KCNE1: variants seen among roughly 807,000 people sequenced by gnomAD.
KCNE1 encodes potassium voltage-gated channel subfamily E regulatory subunit 1, also known as potassium voltage-gated channel subfamily E member 1.
Under a neutral mutation model 2.9 loss-of-function variants are expected in KCNE1, and 1 was observed. The ratio of observed to expected loss-of-function variants is 0.34; its 90% confidence interval spans 0.12 to 1.62. The LOEUF (loss-of-function observed/expected upper bound fraction) is 1.62, where lower values mean the gene tolerates loss of function less well. Among genes scored for constraint, KCNE1 ranks in the 40% most tolerant of loss-of-function variants. The pLI, the probability that KCNE1 is intolerant of heterozygous loss-of-function variation, is 0.36. For missense variants in KCNE1, 45 were observed against 150.5 expected, an observed-to-expected ratio of 0.30 and a Z score of 3.67; for synonymous variants, 23 against 65.4, an observed-to-expected ratio of 0.35 and a Z score of 3.13.
At chr21:34,451,589 G>GGT (rs1280864086) in intron 3 of KCNE1, among the ~76,000 whole-genome samples, 1 of 66,302 alleles carries the variant, frequency 1.5e-5, no homozygotes, top group Non-Finnish European at 2.8e-5. Flanking sequence ...TAGACCCAGA[G>GGT]CTATTTCTTC....
intron 3 of KCNE1, among the ~76,000 whole-genome samples, chr21:34,454,294 CACTG>C (rs1455096833): frequency 3.8e-5 from 1 of 26,210 alleles, no homozygotes; most frequent in Non-Finnish European, 7.5e-5. Context: ...AATATGATCT[CACTG>C]ACTGTTTTTC....
At chr21:34,503,064 A>G (rs984617123) in intron 2 of KCNE1, among the ~76,000 whole-genome samples, 3 of 152,182 alleles carry the variant, frequency 2.0e-5, no homozygotes, top group African/African-American at 7.2e-5. Context: ...CTAACTACCC[A>G]AAGATGTCAT....
In KCNE1 at chr21:34,511,266, C is replaced by T; in HGVS notation, c.-327G>A. 5 of 985,518 alleles carry T rather than the reference C, an allele frequency of 5.1e-6. No individual in the cohort carries two copies. Among genetic ancestry groups the T allele is most frequent in the East Asian group, 1.1e-4 (1 of 8,820 alleles). The allele number at this position is 985,518 out of a possible 1,614,324, so 61.0% of individuals were successfully genotyped here. A position where few individuals can be genotyped will look rare whatever the true frequency, so the allele number is the denominator to read the frequency against. The stretch of plus-strand genomic sequence containing the variant: ...CTCCTGGTTGAGCTCCAGGCCATGC[C>T]ATTCAACGCCCTCCAGGACAGGCCG... On this transcript the variant is annotated 5_prime_UTR_variant, in exon 2 of 4. It removes an upstream start codon present in the reference 5' UTR. Transcript: ENST00000399286.
chr21:34,507,131 C>A (rs555433399), intron 2 of KCNE1, among the ~76,000 whole-genome samples: 1 of 152,022 alleles, frequency 6.6e-6, no homozygotes, highest in Non-Finnish European at 1.5e-5. Flanking sequence ...TTCAAAAGCT[C>A]GCTCTGACAG....
rs559244843 is a variant in KCNE1 at position 34,503,153 on chromosome 21, C to A, written c.-162+7948G>T. 5.3e-5 allele frequency among the ~76,000 whole-genome samples: 8 copies of A among 152,306 alleles called. No homozygotes were observed. The South Asian group carries it at 1.5e-3, about 28-fold the overall frequency. On this transcript the variant is annotated intron_variant, in intron 2 of 3. Coordinates refer to ENST00000399286, the MANE Select transcript of KCNE1 (RefSeq NM_000219.6). ...ACCAATTGCAAGCCCTAGGATGTGA[C>A]CTGTGCCTTTGACCAACCAGCTACA...
intron 2 of KCNE1, among the ~76,000 whole-genome samples, chr21:34,503,087 G>C (rs997839053): frequency 6.6e-6 from 1 of 152,094 alleles, no homozygotes; most frequent in Non-Finnish European, 1.5e-5. Context: ...AATCCCACAG[G>C]GTGAGGGCTT....
At chr21:34,511,901 G>A (rs1416221164) in intron 1 of KCNE1, 126 bp downstream of exon 1, 1 of 152,276 alleles carries the variant, frequency 6.6e-6, no homozygotes, top group African/African-American at 2.4e-5. Context: ...GCTGAGCTTA[G>A]AGCAAAGCAT....
chr21:34,509,283 G>T (rs1983692932), intron 2 of KCNE1, among the ~76,000 whole-genome samples: 1 of 152,128 alleles, frequency 6.6e-6, no homozygotes, highest in Non-Finnish European at 1.5e-5. Flanking sequence ...GCTGGCCGGG[G>T]GCCATCCTCA....
intron 2 of KCNE1, among the ~76,000 whole-genome samples, chr21:34,502,248 T>A (rs907977976): frequency 6.6e-6 from 1 of 152,206 alleles, no homozygotes; most frequent in African/African-American, 2.4e-5. Flanking sequence ...CCTAATCCAG[T>A]CCTGACTGGA....
chr21:34,511,768 T>C (rs919591972), intron 1 of KCNE1, among the ~76,000 whole-genome samples: 2 of 152,106 alleles, frequency 1.3e-5, no homozygotes, highest in African/African-American at 4.8e-5. Context: ...CACAGGACCT[T>C]GGTGGGGCAT....
At chr21:34,496,688 G>A (rs1306641568) in intron 2 of KCNE1, among the ~76,000 whole-genome samples, 1 of 152,118 alleles carries the variant, frequency 6.6e-6, no homozygotes, top group African/African-American at 2.4e-5. Flanking sequence ...TTGTTCTAGG[G>A]TATAGTTTAA....
Position 34,500,594 on chromosome 21 carries a change from C to G in KCNE1, c.-162+10507G>C, listed in dbSNP as rs899270081. Among the ~76,000 whole-genome samples the G allele has an allele frequency of 2.0e-5, 3 of 152,338 alleles. No homozygotes were observed. The East Asian group carries it at 5.8e-4, about 29-fold the overall frequency. On this transcript the variant is annotated intron_variant, in intron 2 of 3. Transcript: ENST00000399286. ...AATTCTTTCTTCCAGCCCTATCCCT[C>G]TACACCATTCCTACCCACTTGTATG...
intron 2 of KCNE1, among the ~76,000 whole-genome samples, chr21:34,498,784 G>A (rs755543784): frequency 5.3e-5 from 8 of 152,350 alleles, no homozygotes; most frequent in Non-Finnish European, 1.0e-4. Context: ...CCTTGAAGCA[G>A]GGTTATTCCG....
intron 2 of KCNE1, among the ~76,000 whole-genome samples, chr21:34,506,723 T>C (rs1983510368): frequency 6.6e-6 from 1 of 152,348 alleles, no homozygotes; most frequent in Admixed American, 6.5e-5. Context: ...TACATTGAAC[T>C]CATTGGCAAA....
rs1002136141 is a variant in KCNE1, at chr21:34,446,717, C to T, written c.*2528G>A. Reference sequence around the variant, plus strand: ...ATAGTAAATGGCTTTAATTTTTTAGCGAAATCTCACTACTGCAAATGCATT... The same window carrying T: ...ATAGTAAATGGCTTTAATTTTTTAGTGAAATCTCACTACTGCAAATGCATT... On this transcript the variant is annotated 3_prime_UTR_variant, in exon 4 of 4. Transcript: ENST00000399286. 12 of 76,316 alleles carry T rather than the reference C, an allele frequency of 1.6e-4. 4 individuals are homozygous for T. Among genetic ancestry groups the T allele is most frequent in the African/African-American group, 6.1e-4 (12 of 19,604 alleles). The allele number at this position is 76,316 out of a possible 1,614,324, so 4.7% of individuals were successfully genotyped here. A position where few individuals can be genotyped will look rare whatever the true frequency, so the allele number is the denominator to read the frequency against.
At chr21:34,500,168 A>G (rs1207697432) in intron 2 of KCNE1, among the ~76,000 whole-genome samples, 1 of 152,234 alleles carries the variant, frequency 6.6e-6, no homozygotes, top group African/African-American at 2.4e-5. Flanking sequence ...TGTTTCCTAA[A>G]AACATGTTTG....
At chr21:34,508,168 A>AGGTGCATGC (rs1427385710) in intron 2 of KCNE1, among the ~76,000 whole-genome samples, 2 of 148,970 alleles carry the variant, frequency 1.3e-5, no homozygotes, top group Non-Finnish European at 3.0e-5. Flanking sequence ...CTGGGACTAT[A>AGGTGCATGC]GGTGCATGCC....
In KCNE1 at chr21:34,449,435, C is replaced by T. The variant is rs79654911; in HGVS notation, c.200G>A (p.Arg67His). The change falls in exon 4 of 4, where the codon CGC becomes CAC. Residue 67 changes from arginine (R) to histidine (H), a missense_variant. Transcript: ENST00000399286. ...GTTCGAGTGCTCCAGCTTCTTGGAG[C>T]GGATGTAGCTCAGCATGATGCCCAG... is the stretch of plus-strand genomic sequence containing the variant. Reference protein sequence around the residue: ...FTLGIMLSYIRSKKLEHSNDP... With the variant: ...FTLGIMLSYIHSKKLEHSNDP... The T allele has an allele frequency of 9.0e-5, 139 of 1,538,590 alleles. No individual in the cohort carries two copies. Among genetic ancestry groups the T allele is most frequent in the African/African-American group, 2.2e-4 (15 of 68,502 alleles).
intron 2 of KCNE1, among the ~76,000 whole-genome samples, chr21:34,497,522 T>G (rs542440346): frequency 3.3e-5 from 5 of 152,196 alleles, no homozygotes; most frequent in Non-Finnish European, 7.3e-5. Context: ...AATTCCTTCT[T>G]GCTTATAGGG....
Sources: allele counts gnomAD v4.1 joint callset (sites outside exome capture counted in the v4.1 genomes callset), GRCh38; gene constraint gnomAD v4.1.1; transcripts MANE v1.5; gene names NCBI Gene and HGNC (gene_info 2026-07-23, HGNC 2026-07-21).